UBN1: variants seen among roughly 807,000 people sequenced by gnomAD.
UBN1 encodes the protein ubinuclein 1, also known as ubinuclein-1.
Under a neutral mutation model 108.5 loss-of-function variants are expected in UBN1, and 17 were observed. The ratio of observed to expected loss-of-function variants is 0.16; its 90% confidence interval spans 0.11 to 0.24. The LOEUF (loss-of-function observed/expected upper bound fraction) is 0.24. Among genes scored for constraint, UBN1 ranks in the 10% least tolerant of loss-of-function variants. The pLI is 1.00. For synonymous variants in UBN1, 726 were observed against 564.2 expected, an observed-to-expected ratio of 1.29 and a Z score of -4.07; for missense variants, 1,595 against 1,394.4, an observed-to-expected ratio of 1.14 and a Z score of -2.29.
chr16:4,859,265 A>T lies in UBN1; in HGVS notation c.567+106A>T, dbSNP rs539483552. The T allele has an allele frequency of 4.0e-4, 591 of 1,487,236 alleles. 4 individuals are homozygous for T. In the Admixed American group the frequency reaches 9.9e-3, roughly 25 times the overall value. The allele number at this position is 1,487,236 out of a possible 1,614,324, so 92.1% of individuals were successfully genotyped here. ...CGTGGCGCTTGGCCGGCTCAGGAGG[A>T]TGGTGGAAAGGCAGAGCCGTGCCAG... On this transcript the variant is annotated intron_variant, in intron 5 of 17. Transcript: ENST00000262376.
chr16:4,864,968 G>T (rs1056589222), intron 7 of UBN1, among the ~76,000 whole-genome samples: 18 of 152,198 alleles, frequency 1.2e-4, no homozygotes, highest in African/African-American at 4.1e-4. Flanking sequence ...TTTGAGCTGG[G>T]TGCTAAAAGG....
At position 4,852,947 on chromosome 16, in the gene UBN1, C is replaced by G. The variant is rs767853405; in HGVS notation, c.30C>G (p.Thr10=). Residue 10 remains threonine, a synonymous_variant, in exon 2 of 18, where the codon ACC becomes ACG. Coordinates refer to ENST00000262376, the MANE Select transcript of UBN1 (RefSeq NM_001079514.3). MSEPHRVQF[T]SLPGSLNPAF... ...CGGAGCCCCACAGGGTCCAGTTCAC[C>G]TCTCTCCCAGGTTCCCTGAATCCTG... 8.7e-6 allele frequency: 14 copies of G among 1,614,170 alleles called. No homozygotes were observed. The highest frequency in any genetic ancestry group is 1.2e-5 in the Non-Finnish European group (14 of 1,180,024).
At chr16:4,855,315 A>T (rs2086751028) in intron 2 of UBN1, among the ~76,000 whole-genome samples, 1 of 152,046 alleles carries the variant, frequency 6.6e-6, no homozygotes, top group African/African-American at 2.4e-5. Flanking sequence ...TCCTGAGATT[A>T]AAAAAATGTG....
At position 4,854,225 on chromosome 16, in the gene UBN1, G is replaced by C. The variant is rs140989860; in HGVS notation, c.249+1059G>C. 2.4e-3 allele frequency among the ~76,000 whole-genome samples: 365 copies of C among 151,318 alleles called. 6 individuals are homozygous for C. The highest frequency in any genetic ancestry group is 0.013 in the South Asian group (63 of 4,782). On this transcript the variant is annotated intron_variant, in intron 2 of 17. Coordinates refer to ENST00000262376, the MANE Select transcript of UBN1 (RefSeq NM_001079514.3). Reference sequence around the variant, plus strand: ...ATTTTTTGTATTTTTAGTAGAGACAGCGTTTCAATGTGTTAGTCAGGGTGG... The same window carrying C: ...ATTTTTTGTATTTTTAGTAGAGACACCGTTTCAATGTGTTAGTCAGGGTGG...
Position 4,880,198 on chromosome 16 carries a change from T to A in UBN1, c.*66T>A, listed in dbSNP as rs1303401695. Reference sequence around the variant, plus strand: ...ATCAGAACGTGCAGGTCTCCCAGGATGTACACTCACTGCGCCCTTTCTGCT... The same window carrying A: ...ATCAGAACGTGCAGGTCTCCCAGGAAGTACACTCACTGCGCCCTTTCTGCT... On this transcript the variant is annotated 3_prime_UTR_variant, in exon 18 of 18. Coordinates refer to ENST00000262376, the MANE Select transcript of UBN1 (RefSeq NM_001079514.3). The A allele has an allele frequency of 1.2e-5, 18 of 1,542,022 alleles. No individual in the cohort carries two copies. The highest frequency in any genetic ancestry group is 1.6e-5 in the Non-Finnish European group (18 of 1,115,066).
At chr16:4,870,135 TC>T in intron 8 of UBN1, 76 bp from the exon 9 acceptor site, 1 of 1,590,242 alleles carries the variant, frequency 6.3e-7, no homozygotes, top group Non-Finnish European at 8.6e-7. Flanking sequence ...CTAGCTTTCC[TC>T]TCCACGTACG....
intron 7 of UBN1, among the ~76,000 whole-genome samples, chr16:4,866,922 C>T (rs934254735): frequency 1.3e-5 from 2 of 152,144 alleles, no homozygotes; most frequent in Admixed American, 6.5e-5. Context: ...GATGTGTGGA[C>T]GGCCAGATAG....
chr16:4,880,243 G>A lies in UBN1; in HGVS notation c.*111G>A. Reference sequence around the variant, plus strand: ...TCTGCTGCTTGGTGTTCTTCTGGAGGAGCGTGAGTTCTCAGCGGAGCGCTT... The same window carrying A: ...TCTGCTGCTTGGTGTTCTTCTGGAGAAGCGTGAGTTCTCAGCGGAGCGCTT... On this transcript the variant is annotated 3_prime_UTR_variant, in exon 18 of 18. Transcript: ENST00000262376. 6.3e-6 allele frequency: 8 copies of A among 1,276,272 alleles called. No homozygotes were observed. The highest frequency in any genetic ancestry group is 9.1e-6 in the Non-Finnish European group (8 of 877,544). The allele number at this position is 1,276,272 out of a possible 1,614,324, so 79.1% of individuals were successfully genotyped here.
chr16:4,877,040 A>C lies in UBN1; in HGVS notation c.3194A>C (p.Lys1065Thr). Reference protein sequence around the residue: ...VLSFSADSSAKAGVSKDAIVT... With the variant: ...VLSFSADSSATAGVSKDAIVT... ...TCCTTCAGCGCTGACTCCTCTGCCA[A>C]AGCAGGGGTCTCCAAGGATGCCATC... The change falls in exon 16 of 18, where the codon AAA becomes ACA. Residue 1065 changes from lysine to threonine, a missense_variant. Lys to Thr is a moderately conservative substitution (Grantham distance 78). This residue lies in a region of UBN1 where 1,398 missense variants were observed against 1,194.7 expected (regional missense o/e 1.17). Transcript: ENST00000262376. This position sits in a 1 kb window ranked among gnomAD's most constrained non-coding sequence, Gnocchi z 4.3. 1 of 1,614,148 alleles carries C rather than the reference A, an allele frequency of 6.2e-7. No homozygotes were observed.
rs776875506 is a variant in UBN1, at chr16:4,853,131, C to A, written c.214C>A (p.Arg72=). The change falls in exon 2 of 18, where the codon CGA becomes AGA. Residue 72 remains arginine (R), a synonymous_variant. Coordinates refer to ENST00000262376, the MANE Select transcript of UBN1 (RefSeq NM_001079514.3). ...FFYPELVKNI[R]GKVKGLQPGD... ...CTACCCAGAGCTGGTGAAGAATATC[C>A]GAGGGAAGGTAAAAGGCCTTCAGCC... The A allele has an allele frequency of 3.1e-6, 5 of 1,614,200 alleles. No individual in the cohort carries two copies. The highest frequency in any genetic ancestry group is 2.5e-6 in the Non-Finnish European group (3 of 1,180,028).
chr16:4,854,419 C>T (rs530357930), intron 2 of UBN1, among the ~76,000 whole-genome samples: 2 of 150,840 alleles, frequency 1.3e-5, no homozygotes, highest in East Asian at 3.9e-4. Context: ...TCTTGGCTCA[C>T]TGCAACTTCC....
Position 4,859,083 on chromosome 16 carries a change from C to G in UBN1, c.491C>G (p.Ser164Trp). ...AAGTATGGAGGATTTTACATTAACT[C>G]GGGAACCCTGCAGTTTAGACAAGCA... ...TTKYGGFYIN[S>W]GTLQFRQASE... The change falls in exon 5 of 18, where the codon TCG (serine) becomes TGG (tryptophan). Residue 164 changes from serine (S) to tryptophan (W), a missense_variant. Ser to Trp is a radical substitution (Grantham distance 177). Around this residue, in one of 3 missense-constraint regions of UBN1, gnomAD observed 1,398 missense variants for 1,194.7 expected, o/e 1.17. Coordinates refer to ENST00000262376, the MANE Select transcript of UBN1 (RefSeq NM_001079514.3). 1 of 1,614,098 alleles carries G rather than the reference C, an allele frequency of 6.2e-7. No individual in the cohort carries two copies. The highest frequency in any genetic ancestry group is 8.5e-7 in the Non-Finnish European group (1 of 1,180,016).
chr16:4,868,776 C>A, intron 7 of UBN1, 57 bp from the exon 8 acceptor site: 2 of 1,568,160 alleles, frequency 1.3e-6, no homozygotes, highest in Non-Finnish European at 1.7e-6. Context: ...TGTGGGTGAG[C>A]GTAAGGGACA....
chr16:4,876,491 AT>A (rs1318462194), intron 15 of UBN1, among the ~76,000 whole-genome samples: 1 of 151,674 alleles, frequency 6.6e-6, no homozygotes, highest in African/African-American at 2.4e-5. Flanking sequence ...ATCCATGAAC[AT>A]TTATGGATAT....
chr16:4,875,336 G>A lies in UBN1; in HGVS notation c.2926G>A (p.Asp976Asn). The A allele has an allele frequency of 6.2e-7, 1 of 1,614,256 alleles. No individual in the cohort carries two copies. The highest frequency in any genetic ancestry group is 8.5e-7 in the Non-Finnish European group (1 of 1,180,054). ...LVAPPGGPNGDSSGGTQGVAK... is the reference protein window; with the variant it reads ...LVAPPGGPNGNSSGGTQGVAK... ...AGCCCCTCCAGGCGGTCCAAACGGA[G>A]ATTCCAGTGGTGGGACCCAGGGAGT... is the stretch of plus-strand genomic sequence containing the variant. Residue 976 changes from aspartate to asparagine, a missense_variant, in exon 15 of 18, where the codon GAT becomes AAT. Around this residue, in one of 3 missense-constraint regions of UBN1, gnomAD observed 1,398 missense variants for 1,194.7 expected, o/e 1.17. Coordinates refer to ENST00000262376, the MANE Select transcript of UBN1 (RefSeq NM_001079514.3).
chr16:4,875,206 C>T lies in UBN1; in HGVS notation c.2796C>T (p.Ser932=), dbSNP rs1447113298. 5 of 1,614,240 alleles carry T rather than the reference C, an allele frequency of 3.1e-6. No individual in the cohort carries two copies. Among genetic ancestry groups the T allele is most frequent in the Middle Eastern group, 1.6e-4 (1 of 6,062 alleles). Residue 932 remains serine, a synonymous_variant, in exon 15 of 18, where the codon AGC becomes AGT. Coordinates refer to ENST00000262376, the MANE Select transcript of UBN1 (RefSeq NM_001079514.3). ...CAGTCCAGAGTTCTGTTTCTGGGAG[C>T]CTGGTCCCTGGCATACAGCCTCCCT... ...GTPVQSSVSG[S]LVPGIQPPSV...
At chr16:4,878,371 G>A (rs1157564198) in intron 17 of UBN1, among the ~76,000 whole-genome samples, 4 of 152,150 alleles carry the variant, frequency 2.6e-5, no homozygotes, top group Non-Finnish European at 4.4e-5. Context: ...TAACCCTGGC[G>A]AACTGGTGCC....
intron 6 of UBN1, among the ~76,000 whole-genome samples, chr16:4,860,293 C>T (rs890991230): frequency 6.6e-6 from 1 of 152,208 alleles, no homozygotes; most frequent in Non-Finnish European, 1.5e-5. Context: ...CTTCCTTCTC[C>T]TCACTTGGTC....
chr16:4,870,114 G>T, intron 8 of UBN1, 98 bp from the exon 9 acceptor site: 1 of 1,557,682 alleles, frequency 6.4e-7, no homozygotes, highest in Non-Finnish European at 8.7e-7. Context: ...GGGTTTGACT[G>T]CCGTTGGCTC....
Sources: gnomAD v4.1 joint callset for allele counts (sites outside exome capture counted in the v4.1 genomes callset) on GRCh38, gnomAD v4.1.1 for gene constraint, gnomAD v4.1.1 regional missense constraint, Gnocchi (gnomAD v3.1) non-coding constraint, MANE v1.5 for transcripts, NCBI Gene and HGNC (gene_info 2026-07-23, HGNC 2026-07-21) for gene names.